Variants in PPA2 observed in about 807,000 individuals in gnomAD.
The protein encoded by PPA2 is inorganic pyrophosphatase 2.
A neutral mutation model predicts 49.5 loss-of-function variants in PPA2; 48 were observed. That is an observed-to-expected ratio of 0.97 (90% CI 0.77 to 1.23). The LOEUF (loss-of-function observed/expected upper bound fraction) is 1.23, where lower values mean the gene tolerates loss of function less well. Among genes scored for constraint, PPA2 ranks in the 50% most tolerant of loss-of-function variants. PPA2 has a pLI of 0.00. For synonymous variants in PPA2, 131 were observed against 139.9 expected (o/e 0.94, Z 0.45); for missense variants, 429 against 410.1 (o/e 1.05, Z -0.40).
At chr4:105,389,446 T>TAAAAAAAAAAAAA (rs370183473) in intron 9 of PPA2, among the ~76,000 whole-genome samples, 1 of 130,354 alleles carries the variant, frequency 7.7e-6, no homozygotes, top group African/African-American at 2.8e-5. Context: ...AAACGAAACT[T>TAAAAAAAAAAAAA]AAAAAAAAAA....
At chr4:105,421,636 A>G (rs937635625) in intron 7 of PPA2, among the ~76,000 whole-genome samples, 6 of 152,202 alleles carry the variant, frequency 3.9e-5, no homozygotes, top group African/African-American at 1.4e-4. Context: ...GCCTACATCA[A>G]TTTTTTTCCT....
At chr4:105,405,607 TAA>T in intron 7 of PPA2, 1 of 1,009,116 alleles carries the variant, frequency 9.9e-7, no homozygotes, top group Non-Finnish European at 1.2e-6. Context: ...TATCAGCAAA[TAA>T]AAAGACTCCT....
At chr4:105,409,318 G>A (rs1047001272) in intron 7 of PPA2, among the ~76,000 whole-genome samples, 6 of 152,210 alleles carry the variant, frequency 3.9e-5, no homozygotes, top group African/African-American at 1.2e-4. Flanking sequence ...GTCTAAGATC[G>A]GCCTGTGAGA....
At chr4:105,372,827 A>G (rs1020782063) in intron 10 of PPA2, among the ~76,000 whole-genome samples, 2 of 152,172 alleles carry the variant, frequency 1.3e-5, no homozygotes, top group Admixed American at 6.5e-5. Context: ...TGCACATCCA[A>G]TTGGTTCTGA....
At chr4:105,402,656 T>C (rs913227935) in intron 7 of PPA2, among the ~76,000 whole-genome samples, 4 of 152,216 alleles carry the variant, frequency 2.6e-5, no homozygotes, top group African/African-American at 7.2e-5. Context: ...CTAAGGATTA[T>C]AGCTTTAACT....
intron 10 of PPA2, among the ~76,000 whole-genome samples, chr4:105,377,142 C>T (rs906626124): frequency 2.0e-5 from 3 of 152,028 alleles, no homozygotes; most frequent in South Asian, 2.1e-4. Context: ...TCTCATATGT[C>T]TAGAAAAATT....
chr4:105,377,255 A>C (rs1162913270), intron 10 of PPA2, among the ~76,000 whole-genome samples: 1 of 152,186 alleles, frequency 6.6e-6, no homozygotes, highest in Non-Finnish European at 1.5e-5. Flanking sequence ...CTGGAATAGA[A>C]GGGATTTCTC....
intron 10 of PPA2, among the ~76,000 whole-genome samples, chr4:105,374,279 G>T (rs1733148161): frequency 6.6e-6 from 1 of 152,170 alleles, no homozygotes; most frequent in African/African-American, 2.4e-5. Flanking sequence ...TACTTCCACG[G>T]CTGGGTGTGG....
chr4:105,438,421 G>A (rs895643195), intron 5 of PPA2, among the ~76,000 whole-genome samples: 9 of 152,128 alleles, frequency 5.9e-5, no homozygotes, highest in African/African-American at 1.7e-4. Context: ...GTCATTCACC[G>A]CTTCCTTTGA....
At chr4:105,395,561 A>C (rs898670306) in intron 9 of PPA2, among the ~76,000 whole-genome samples, 1 of 152,198 alleles carries the variant, frequency 6.6e-6, no homozygotes, top group African/African-American at 2.4e-5. Flanking sequence ...AGGTTATAAA[A>C]CTAACGAGGC....
chr4:105,393,250 T>C (rs1470369380), intron 9 of PPA2, among the ~76,000 whole-genome samples: 2 of 151,962 alleles, frequency 1.3e-5, no homozygotes, highest in Non-Finnish European at 2.9e-5. Context: ...TCCCAGCACT[T>C]TGGGAGGCTG....
Position 105,473,980 on chromosome 4 carries a change from G to A in PPA2, c.71C>T (p.Ala24Val), listed in dbSNP as rs749968827. 2.5e-5 allele frequency: 40 copies of A among 1,610,146 alleles called. No homozygotes were observed. The highest frequency in any genetic ancestry group is 1.6e-4 in the Middle Eastern group (1 of 6,078). Residue 24 changes from alanine (A) to valine (V), a missense_variant, in exon 1 of 12, where the codon GCA (alanine) becomes GTA (valine). Coordinates refer to ENST00000341695, the MANE Select transcript of PPA2 (RefSeq NM_176869.3). ...AAACLRLGTS[A>V]GTGSRRAMAL... The stretch of plus-strand genomic sequence containing the variant: ...CATAGCACGGCGCGACCCGGTCCCT[G>A]CACTGGTCCCCAACCGCAGGCACGC...
At chr4:105,448,831 A>G (rs1178099925) in intron 4 of PPA2, among the ~76,000 whole-genome samples, 2 of 152,228 alleles carry the variant, frequency 1.3e-5, no homozygotes, top group East Asian at 3.9e-4. Flanking sequence ...ATTAATATGT[A>G]TATAACAAAC....
chr4:105,377,102 C>T (rs1340751680), intron 10 of PPA2, among the ~76,000 whole-genome samples: 1 of 152,112 alleles, frequency 6.6e-6, no homozygotes, highest in Non-Finnish European at 1.5e-5. Flanking sequence ...TCCCTTTCTT[C>T]CTATTAAAGT....
chr4:105,441,734 A>G (rs969109187), intron 5 of PPA2, among the ~76,000 whole-genome samples: 2 of 152,182 alleles, frequency 1.3e-5, no homozygotes, highest in Non-Finnish European at 2.9e-5. Flanking sequence ...TTATAAAGCT[A>G]TAAAAATGAA....
At chr4:105,464,440 C>A (rs1224830276) in intron 1 of PPA2, among the ~76,000 whole-genome samples, 1 of 152,152 alleles carries the variant, frequency 6.6e-6, no homozygotes, top group African/African-American at 2.4e-5. Flanking sequence ...AGACTGTGGA[C>A]TGCGGACTTC....
At chr4:105,454,340 GTTT>G (rs1553929317) in intron 2 of PPA2, among the ~76,000 whole-genome samples, 3 of 149,114 alleles carry the variant, frequency 2.0e-5, no homozygotes, top group African/African-American at 7.6e-5. Context: ...TGTTGTTGTT[GTTT>G]TTGAGACAGA....
At chr4:105,456,600 C>T in intron 2 of PPA2, 81 bp downstream of exon 2, 1 of 1,204,726 alleles carries the variant, frequency 8.3e-7, no homozygotes, top group South Asian at 1.4e-5. Context: ...ACACTTTTTC[C>T]TTTCAAGGTG....
At chr4:105,414,527 G>A (rs1284416308) in intron 7 of PPA2, among the ~76,000 whole-genome samples, 1 of 152,228 alleles carries the variant, frequency 6.6e-6, no homozygotes, top group African/African-American at 2.4e-5. Context: ...CTCCCTGCGA[G>A]GCTGCAGCTG....
Sources: allele counts gnomAD v4.1 joint callset (sites outside exome capture counted in the v4.1 genomes callset), GRCh38; gene constraint gnomAD v4.1.1; transcripts MANE v1.5; gene names NCBI Gene and HGNC (gene_info 2026-07-23, HGNC 2026-07-21).